The following VASH2 variants were observed in gnomAD, a reference collection of about 807,000 sequenced individuals.
VASH2 encodes tubulinyl-Tyr carboxypeptidase 2.
In VASH2, 28 loss-of-function variants were observed where a neutral mutation model predicts 37.2. The ratio of observed to expected loss-of-function variants is 0.75; its 90% CI spans 0.56 to 1.03. The LOEUF (loss-of-function observed/expected upper bound fraction) is 1.03. Ranked by LOEUF, VASH2 falls within the 50% of genes least tolerant of loss-of-function variation. The pLI is 0.00. For missense variants in VASH2, 419 were observed against 459.1 expected, an observed-to-expected ratio of 0.91 and a Z score of 0.80; for synonymous variants, 188 against 174.7, an observed-to-expected ratio of 1.08 and a Z score of -0.60.
intron 5 of VASH2, chr1:212,968,267 G>A: frequency 3.0e-6 from 3 of 985,370 alleles, no homozygotes; most frequent in East Asian, 1.1e-4. Context: ...AAAGATCAAA[G>A]ATGAAATCAG....
chr1:212,977,673 C>A (rs542133408), intron 7 of VASH2, among the ~76,000 whole-genome samples: 1 of 152,034 alleles, frequency 6.6e-6, no homozygotes, highest in Non-Finnish European at 1.5e-5. Flanking sequence ...AAGAAAGGGC[C>A]CAGCTGAGGA....
intron 2 of VASH2, among the ~76,000 whole-genome samples, chr1:212,955,485 G>A (rs763368463): frequency 5.9e-5 from 9 of 152,236 alleles, no homozygotes; most frequent in Non-Finnish European, 1.0e-4. Flanking sequence ...GCAAGAGTCA[G>A]TTGGAGGATA....
rs1666820677 is a variant in VASH2, at chr1:212,965,712, CTT to C, written c.366-8_366-7del. The C allele has an allele frequency of 1.3e-6, 2 of 1,550,768 alleles. No individual in the cohort carries two copies. The highest frequency in any genetic ancestry group is 4.9e-5 in the East Asian group (2 of 40,924). ...TTTTCTGTCACTTTCCCTTTACATACTTTACACAGATATAATCACACAGGGAC... is the reference window on the plus strand; with the variant it reads ...TTTTCTGTCACTTTCCCTTTACATACTACACAGATATAATCACACAGGGAC... On this transcript the variant is annotated splice_polypyrimidine_tract_variant and splice_region_variant and intron_variant, in intron 3 of 7. Coordinates refer to ENST00000517399, the MANE Select transcript of VASH2 (RefSeq NM_001301056.2).
intron 2 of VASH2, among the ~76,000 whole-genome samples, chr1:212,957,388 T>G (rs573556191): frequency 6.6e-6 from 1 of 152,192 alleles, no homozygotes; most frequent in Non-Finnish European, 1.5e-5. Flanking sequence ...CATAATGAAT[T>G]AAGGGTATTA....
chr1:212,962,405 C>T (rs1357698816), intron 3 of VASH2, among the ~76,000 whole-genome samples: 2 of 152,180 alleles, frequency 1.3e-5, no homozygotes, highest in Admixed American at 6.5e-5. Context: ...TCTACAAGGT[C>T]CCAGGCACAT....
intron 2 of VASH2, among the ~76,000 whole-genome samples, chr1:212,954,514 G>T (rs1173205725): frequency 6.6e-6 from 1 of 152,004 alleles, no homozygotes; most frequent in Non-Finnish European, 1.5e-5. Flanking sequence ...TCCACCTCCC[G>T]GGTTCAAGCA....
In VASH2 at chr1:212,951,822, A is replaced by T; in HGVS notation, c.276+4A>T. 4 of 1,599,860 alleles carry T rather than the reference A, an allele frequency of 2.5e-6. No individual in the cohort carries two copies. The highest frequency in any genetic ancestry group is 3.4e-6 in the Non-Finnish European group (4 of 1,176,432). On this transcript the variant is annotated splice_donor_region_variant and intron_variant, in intron 2 of 7. Coordinates refer to ENST00000517399, the MANE Select transcript of VASH2 (RefSeq NM_001301056.2). This position sits in a 1 kb window ranked among gnomAD's most constrained non-coding sequence, Gnocchi z 4.4. ...GAACGCCGCCTTCTTGGCAAAGGTC[A>T]GTGGCTTCCAGGGCGGAGTTGGGGG...
At chr1:212,968,871 G>A (rs1666924482) in intron 5 of VASH2, 2 of 985,460 alleles carry the variant, frequency 2.0e-6, no homozygotes, top group Non-Finnish European at 2.4e-6. Context: ...ACTCTTTGTT[G>A]AGGGGTGTCT....
intron 3 of VASH2, among the ~76,000 whole-genome samples, chr1:212,962,801 G>A (rs747031032): frequency 1.3e-5 from 2 of 152,186 alleles, no homozygotes; most frequent in Non-Finnish European, 2.9e-5. Context: ...TTGGAAGGCT[G>A]TCTGCTGTTT....
At chr1:212,969,001 T>G in intron 5 of VASH2, 2 of 985,408 alleles carry the variant, frequency 2.0e-6, no homozygotes, top group South Asian at 4.7e-5. Flanking sequence ...CTTTTGGAAT[T>G]GTGGGGATAG....
intron 7 of VASH2, among the ~76,000 whole-genome samples, chr1:212,978,271 C>T (rs1402514620): frequency 6.6e-6 from 1 of 152,196 alleles, no homozygotes; most frequent in Non-Finnish European, 1.5e-5. Context: ...CACCCCTGCG[C>T]CTGCAGAGGA....
At chr1:212,962,183 C>T (rs886932728) in intron 3 of VASH2, among the ~76,000 whole-genome samples, 15 of 152,158 alleles carry the variant, frequency 9.9e-5, no homozygotes, top group South Asian at 6.2e-4. Flanking sequence ...TCTCCGCATC[C>T]GCAGGTTGTT....
chr1:212,987,969 T>C (rs1667531422), intron 7 of VASH2, among the ~76,000 whole-genome samples: 1 of 152,246 alleles, frequency 6.6e-6, no homozygotes, highest in African/African-American at 2.4e-5. Flanking sequence ...AAGAGATGTT[T>C]TGCCACTGAG....
At chr1:212,968,758 G>A in intron 5 of VASH2, 1 of 985,482 alleles carries the variant, frequency 1.0e-6, no homozygotes, top group African/African-American at 1.7e-5. Context: ...CCTCCTGCAA[G>A]TTTAATGGGG....
chr1:212,973,138 G>A (rs879242100), intron 6 of VASH2, among the ~76,000 whole-genome samples, 177 bp downstream of exon 6: 48 of 152,196 alleles, frequency 3.2e-4, no homozygotes, highest in Admixed American at 3.1e-3. Context: ...AGATGCGACA[G>A]TTAAAACAAT....
At position 212,988,605 on chromosome 1, in the gene VASH2, A is replaced by G; in HGVS notation, c.*21A>G. On this transcript the variant is annotated 3_prime_UTR_variant, in exon 8 of 8. Transcript: ENST00000517399. ...TTTAGCCAAGCCATACCGGCCAGCA[A>G]GAGGGTTTCTGTGGTGCTTCTCTCT... 6.2e-7 allele frequency: 1 copy of G among 1,613,796 alleles called. No individual in the cohort carries two copies. The highest frequency in any genetic ancestry group is 1.7e-4 in the Middle Eastern group (1 of 6,058).
chr1:212,955,276 G>C (rs577515139), intron 2 of VASH2, among the ~76,000 whole-genome samples: 2 of 152,280 alleles, frequency 1.3e-5, no homozygotes, highest in Admixed American at 1.3e-4. Flanking sequence ...CACTTCATTT[G>C]ACTACAGGAC....
intron 6 of VASH2, chr1:212,973,348 T>G: frequency 7.9e-7 from 1 of 1,260,892 alleles, no homozygotes; most frequent in Admixed American, 2.3e-5. Flanking sequence ...ATATAGACTA[T>G]ACTCATACGT....
At chr1:212,967,407 G>C (rs781409554) in intron 5 of VASH2, 4 of 1,192,530 alleles carry the variant, frequency 3.4e-6, no homozygotes, top group Non-Finnish European at 4.2e-6. Flanking sequence ...AAGATGCTCC[G>C]AAGTCCTATG....
Sources: gnomAD v4.1 joint callset for allele counts (sites outside exome capture counted in the v4.1 genomes callset) on GRCh38, gnomAD v4.1.1 for gene constraint, Gnocchi (gnomAD v3.1) non-coding constraint, MANE v1.5 for transcripts, NCBI Gene and HGNC (gene_info 2026-07-23, HGNC 2026-07-21) for gene names.